The following SYCE1 variants were observed in gnomAD, a reference collection of about 807,000 sequenced individuals.
SYCE1 encodes synaptonemal complex central element protein 1, also known as cancer/testis antigen 76.
A neutral mutation model predicts 55.1 loss-of-function variants in SYCE1; 37 were observed. The observed-to-expected ratio is 0.67, with a 90% confidence interval of 0.52 to 0.88. SYCE1 has a LOEUF of 0.88. Ranked by LOEUF, SYCE1 falls within the 40% of genes least tolerant of loss-of-function variation. The pLI is 0.00. For synonymous variants in SYCE1, 163 were observed against 159.4 expected (o/e 1.02, Z -0.17); for missense variants, 399 against 416.4 (o/e 0.96, Z 0.36).
chr10:133,566,447 T>A (rs371049523), upstream of SYCE1, among the ~76,000 whole-genome samples: 1 of 151,426 alleles, frequency 6.6e-6, no homozygotes, highest in Non-Finnish European at 1.5e-5. Flanking sequence ...GGGTTAGGGT[T>A]TAGGGGTTAG....
chr10:133,559,078 T>G (rs905029228), intron 3 of SYCE1, 127 bp from the exon 4 acceptor site: 37 of 1,076,104 alleles, frequency 3.4e-5, no homozygotes, highest in Non-Finnish European at 4.5e-5. Flanking sequence ...AAACGAGGCT[T>G]CCAGCTCTCC....
downstream of SYCE1, chr10:133,554,295 TCCA>T (rs777131825): frequency 1.9e-6 from 3 of 1,613,940 alleles, no homozygotes; most frequent in Non-Finnish European, 2.5e-6. Flanking sequence ...TCTCTTCAAC[TCCA>T]CCATGTCACT....
intron 4 of SYCE1, 116 bp from the exon 5 acceptor site, chr10:133,558,330 A>AG: frequency 1.7e-5 from 20 of 1,204,626 alleles, no homozygotes; most frequent in Non-Finnish European, 2.3e-5. Flanking sequence ...CCCAAATGTG[A>AG]ACCCTTGAGG....
At chr10:133,566,533 G>A (rs1014386145), upstream of SYCE1, among the ~76,000 whole-genome samples, 1 of 142,642 alleles carries the variant, frequency 7.0e-6, no homozygotes, top group African/African-American at 2.6e-5. Flanking sequence ...AAGGATTGGG[G>A]TAGGGTTAGG....
At chr10:133,555,279 T>C (rs1851630959) in intron 12 of SYCE1, 72 bp downstream of exon 12, 2 of 1,599,448 alleles carry the variant, frequency 1.3e-6, no homozygotes, top group African/African-American at 2.7e-5. Context: ...ACCCCCTCCC[T>C]TGTCCTCCCG....
intron 8 of SYCE1, 186 bp downstream of exon 8, chr10:133,556,573 C>A: frequency 1.5e-6 from 1 of 659,650 alleles, no homozygotes. Context: ...TCAGAGATCC[C>A]CCTGACCACT....
intron 8 of SYCE1, 51 bp downstream of exon 8, chr10:133,556,708 G>A: frequency 7.8e-6 from 12 of 1,539,062 alleles, no homozygotes; most frequent in Non-Finnish European, 9.7e-6. Context: ...TTTGGGCCTG[G>A]TGCTGCTAGG....
upstream of SYCE1, chr10:133,567,913 T>G: frequency 1.9e-6 from 1 of 525,508 alleles, no homozygotes; most frequent in Non-Finnish European, 3.6e-6. Flanking sequence ...GGCAGGCAGG[T>G]GGATGGCGAG....
intron 1 of SYCE1, 142 bp from the exon 2 acceptor site, chr10:133,560,295 A>C (rs947421671): frequency 1.6e-6 from 1 of 619,728 alleles, no homozygotes; most frequent in African/African-American, 1.8e-5. Flanking sequence ...ACACTAGATG[A>C]ATCGGGCTCC....
chr10:133,555,169 T>A, intron 12 of SYCE1, 40 bp from the exon 13 acceptor site: 2 of 1,533,180 alleles, frequency 1.3e-6, no homozygotes, highest in Non-Finnish European at 1.8e-6. Flanking sequence ...TTTACACCCA[T>A]CCCCATGGCC....
At chr10:133,555,506 C>T in intron 11 of SYCE1, 68 bp from the exon 12 acceptor site, 1 of 1,610,490 alleles carries the variant, frequency 6.2e-7, no homozygotes, top group Non-Finnish European at 8.5e-7. Flanking sequence ...AAGAGGTTTT[C>T]AAGAGTCAGA....
At chr10:133,567,166 G>A (rs1476988391), upstream of SYCE1, among the ~76,000 whole-genome samples, 1 of 151,472 alleles carries the variant, frequency 6.6e-6, no homozygotes, top group Non-Finnish European at 1.5e-5. Context: ...CCGGTCAAGG[G>A]TTGGTGTTGG....
chr10:133,564,346 A>T, intron 1 of SYCE1: 1 of 975,308 alleles, frequency 1.0e-6, no homozygotes, highest in Non-Finnish European at 1.2e-6. Flanking sequence ...GAAATAAGGC[A>T]TTTCTGTTGT....
chr10:133,564,405 T>C (rs1336810567), intron 1 of SYCE1: 2 of 985,226 alleles, frequency 2.0e-6, no homozygotes, highest in Non-Finnish European at 2.4e-6. Flanking sequence ...CTTACCTAAA[T>C]ATACTAGGTT....
Position 133,555,334 on chromosome 10 carries a change from C to A in SYCE1, c.918+17G>T. 6.2e-7 allele frequency: 1 copy of A among 1,613,734 alleles called. No individual in the cohort carries two copies. The highest frequency in any genetic ancestry group is 8.5e-7 in the Non-Finnish European group (1 of 1,179,820). On this transcript the variant is annotated intron_variant, in intron 12 of 12. Coordinates refer to ENST00000343131, the MANE Select transcript of SYCE1 (RefSeq NM_001143764.3). ...AGTAGCTGTTTCTGTTCCCTGACGC[C>A]CACTTCTGGGGCTTACCACATCTCC...
At chr10:133,557,426 T>C (rs1276960041) in intron 6 of SYCE1, 1 of 517,498 alleles carries the variant, frequency 1.9e-6, no homozygotes, top group Admixed American at 3.4e-5. Context: ...GAAATCTCAG[T>C]GTGCCAGGGC....
At chr10:133,566,505 T>A (rs12776851), upstream of SYCE1, among the ~76,000 whole-genome samples, 4,506 of 142,482 alleles carry the variant, frequency 0.032, 164 homozygotes, top group East Asian at 0.19. Flanking sequence ...GGTTTGGGGT[T>A]AGTGTTAGGG....
chr10:133,554,140 T>A, downstream of SYCE1: 1 of 580,042 alleles, frequency 1.7e-6, no homozygotes, highest in Non-Finnish European at 3.0e-6. Flanking sequence ...TTAAAAGTCA[T>A]GTTTGATAGT....
At chr10:133,556,900 C>T in intron 7 of SYCE1, 78 bp from the exon 8 acceptor site, 1 of 1,574,860 alleles carries the variant, frequency 6.3e-7, no homozygotes, top group Non-Finnish European at 8.7e-7. Flanking sequence ...TGTGGTTCTT[C>T]AGGCAGATTT....
Sources: allele counts gnomAD v4.1 joint callset (sites outside exome capture counted in the v4.1 genomes callset), GRCh38; gene constraint gnomAD v4.1.1; transcripts MANE v1.5; gene names NCBI Gene and HGNC (gene_info 2026-07-23, HGNC 2026-07-21).